Variants in DNM3 observed in about 807,000 individuals in gnomAD.
The protein encoded by DNM3 is dynamin 3, also known as dynamin-3.
A neutral mutation model predicts 101.6 loss-of-function variants in DNM3; 47 were observed. The observed-to-expected ratio is 0.46, with a 90% CI of 0.37 to 0.59. DNM3 has a LOEUF of 0.59. Ranked by LOEUF, DNM3 falls within the 20% of genes least tolerant of loss-of-function variation. The probability of loss-of-function intolerance (pLI) is 0.00; values close to 1 mark genes in which losing one functional copy is unlikely to be tolerated. For missense variants in DNM3, 849 were observed against 1,085.7 expected (o/e 0.78, Z 3.06); for synonymous variants, 385 against 387.9 (o/e 0.99, Z 0.09).
At chr1:172,166,402 A>G (rs2058746190) in intron 14 of DNM3, among the ~76,000 whole-genome samples, 1 of 152,100 alleles carries the variant, frequency 6.6e-6, no homozygotes, top group South Asian at 2.1e-4. Flanking sequence ...CATAAGTTTT[A>G]TATATGCTGT....
intron 4 of DNM3, among the ~76,000 whole-genome samples, chr1:172,012,010 C>G (rs1206484222): frequency 6.6e-6 from 1 of 152,018 alleles, no homozygotes; most frequent in Non-Finnish European, 1.5e-5. Context: ...GAATCTTCAT[C>G]TTTCTAATTT....
intron 1 of DNM3, among the ~76,000 whole-genome samples, chr1:171,919,522 C>T (rs1057205864): frequency 6.6e-6 from 1 of 152,116 alleles, no homozygotes; most frequent in African/African-American, 2.4e-5. Context: ...TTCCATGGTG[C>T]CCTCCAGCTC....
In DNM3 at chr1:171,988,806, A is replaced by G. The variant is rs1316708029; in HGVS notation, c.386-139A>G. The G allele has an allele frequency of 9.4e-6, 6 of 636,672 alleles. No homozygotes were observed. The Admixed American group carries it at 1.1e-4, about 11-fold the overall frequency. 39.4% of individuals were successfully genotyped at this position (636,672 alleles called of 1,614,324 possible). A position where few individuals can be genotyped will look rare whatever the true frequency, so the allele number is the denominator to read the frequency against. On this transcript the variant is annotated intron_variant, in intron 3 of 20. Coordinates refer to ENST00000627582, the MANE Select transcript of DNM3 (RefSeq NM_015569.5). The stretch of plus-strand genomic sequence containing the variant: ...AAACTAGCAAAACCATTTTTATTTT[A>G]TGCTCTTTATTCTACACACATGGGT...
At chr1:172,072,414 T>C (rs1296767664) in intron 11 of DNM3, among the ~76,000 whole-genome samples, 1 of 152,198 alleles carries the variant, frequency 6.6e-6, no homozygotes, top group African/African-American at 2.4e-5. Flanking sequence ...ATCTTTTAAA[T>C]CTTTTTTTGA....
At chr1:171,873,494 G>A (rs551693689) in intron 1 of DNM3, among the ~76,000 whole-genome samples, 1 of 152,198 alleles carries the variant, frequency 6.6e-6, no homozygotes, top group African/African-American at 2.4e-5. Context: ...AAGTAAATAA[G>A]TAAATTATGT....
intron 2 of DNM3, among the ~76,000 whole-genome samples, chr1:171,931,944 A>AT (rs1407733857): frequency 6.6e-6 from 1 of 151,828 alleles, no homozygotes; most frequent in South Asian, 2.1e-4. Flanking sequence ...AATATTTATT[A>AT]TTTTTTTAAT....
At chr1:172,134,651 A>T (rs2057119429) in intron 14 of DNM3, among the ~76,000 whole-genome samples, 1 of 152,172 alleles carries the variant, frequency 6.6e-6, no homozygotes, top group South Asian at 2.1e-4. Flanking sequence ...ACCTATTCTT[A>T]TGAAGGCTCT....
At chr1:172,018,559 C>T (rs2047607137) in intron 4 of DNM3, among the ~76,000 whole-genome samples, 2 of 152,120 alleles carry the variant, frequency 1.3e-5, no homozygotes, top group Admixed American at 6.5e-5. Context: ...TGTGATGTCC[C>T]AATTACAACC....
At chr1:172,287,306 A>G (rs904392557) in intron 15 of DNM3, among the ~76,000 whole-genome samples, 2 of 152,206 alleles carry the variant, frequency 1.3e-5, no homozygotes. Flanking sequence ...TTTAAATTGT[A>G]ATCTATTTTC....
chr1:172,061,568 A>T (rs1380255438), intron 10 of DNM3, among the ~76,000 whole-genome samples: 1 of 151,778 alleles, frequency 6.6e-6, no homozygotes, highest in African/African-American at 2.4e-5. Context: ...TGAAATTGGA[A>T]ATCATCATTC....
intron 17 of DNM3, among the ~76,000 whole-genome samples, chr1:172,355,889 C>A (rs990363): frequency 0.85 from 129,512 of 152,054 alleles, 55,615 homozygotes; most frequent in East Asian, 1. Context: ...TCTAGGAAGA[C>A]CACAGATAAC....
At chr1:172,152,180 G>T (rs1319219912) in intron 14 of DNM3, among the ~76,000 whole-genome samples, 3 of 151,998 alleles carry the variant, frequency 2.0e-5, no homozygotes, top group African/African-American at 7.2e-5. Flanking sequence ...CACCGTGCTG[G>T]CTAAAAGGAT....
At chr1:172,345,978 G>A (rs957141823) in intron 17 of DNM3, among the ~76,000 whole-genome samples, 3 of 151,930 alleles carry the variant, frequency 2.0e-5, no homozygotes, top group Non-Finnish European at 4.4e-5. Flanking sequence ...AAAATTAGCC[G>A]GGCGTGCTTG....
chr1:172,361,002 A>T (rs1382292252), intron 17 of DNM3, among the ~76,000 whole-genome samples: 1 of 151,996 alleles, frequency 6.6e-6, no homozygotes, highest in East Asian at 1.9e-4. Context: ...GGCTACTAAG[A>T]AAACTGGGGC....
intron 14 of DNM3, chr1:172,142,137 C>A (rs1373213448): frequency 6.6e-6 from 1 of 152,086 alleles, no homozygotes; most frequent in African/African-American, 2.4e-5. Context: ...AATACTTACA[C>A]TTATTACATC....
chr1:171,927,887 G>A (rs1334431576), intron 2 of DNM3, among the ~76,000 whole-genome samples: 1 of 152,226 alleles, frequency 6.6e-6, no homozygotes, highest in Non-Finnish European at 1.5e-5. Flanking sequence ...GAGAACTGGT[G>A]TGATTGTTTA....
intron 2 of DNM3, among the ~76,000 whole-genome samples, chr1:171,946,404 TGGAAGATA>T (rs1252363877): frequency 6.6e-6 from 1 of 152,176 alleles, no homozygotes; most frequent in Non-Finnish European, 1.5e-5. Context: ...TCAACTTTTT[TGGAAGATA>T]GGTGGGCCTT....
At chr1:172,002,943 A>G (rs2046444043) in intron 4 of DNM3, among the ~76,000 whole-genome samples, 1 of 152,056 alleles carries the variant, frequency 6.6e-6, no homozygotes, top group Non-Finnish European at 1.5e-5. Context: ...ACTGGGGGTC[A>G]CTGTAAAGAC....
At chr1:172,248,243 T>C (rs1404627848) in intron 14 of DNM3, among the ~76,000 whole-genome samples, 3 of 152,190 alleles carry the variant, frequency 2.0e-5, no homozygotes, top group Non-Finnish European at 2.9e-5. Context: ...AAATCAATCT[T>C]TGAAGCATTA....
Sources: gnomAD v4.1 joint callset for allele counts (sites outside exome capture counted in the v4.1 genomes callset) on GRCh38, gnomAD v4.1.1 for gene constraint, MANE v1.5 for transcripts, NCBI Gene and HGNC (gene_info 2026-07-23, HGNC 2026-07-21) for gene names.